ADGB: variants seen among roughly 807,000 people sequenced by gnomAD.
The protein encoded by ADGB is calpain-7-like protein.
ADGB carries 172 observed loss-of-function variants against 210.5 expected under a neutral mutation model. That is an observed-to-expected ratio of 0.82 (90% CI 0.72 to 0.93). The LOEUF (loss-of-function observed/expected upper bound fraction) is 0.93. ADGB is among the 40% of genes least tolerant of loss of function. The pLI is 0.00. For synonymous variants in ADGB, 658 were observed against 662.7 expected, an observed-to-expected ratio of 0.99 and a Z score of 0.11; for missense variants, 2,025 against 1,964.8, an observed-to-expected ratio of 1.03 and a Z score of -0.58.
chr6:146,762,122 T>G (rs1777500943), intron 27 of ADGB, among the ~76,000 whole-genome samples: 1 of 150,066 alleles, frequency 6.7e-6, no homozygotes, highest in African/African-American at 2.5e-5. Flanking sequence ...TCAAATAAGG[T>G]CACATTCTAA....
chr6:146,602,023 T>G (rs1344585157), intron 1 of ADGB, among the ~76,000 whole-genome samples: 1 of 152,250 alleles, frequency 6.6e-6, no homozygotes, highest in Non-Finnish European at 1.5e-5. Context: ...ATGTTCATAT[T>G]CATAAGTAAA....
chr6:146,599,121 G>T lies in ADGB; in HGVS notation c.74+7G>T. On this transcript the variant is annotated splice_region_variant and intron_variant, in intron 1 of 35. Transcript: ENST00000397944. The stretch of plus-strand genomic sequence containing the variant: ...GATCGGATAAATCGAAAGAGTAAGG[G>T]ACCTCTGCCTGTCCGTCCCTCCCCT... 4 of 1,551,098 alleles carry T rather than the reference G, an allele frequency of 2.6e-6. No individual in the cohort carries two copies. The highest frequency in any genetic ancestry group is 3.5e-6 in the Non-Finnish European group (4 of 1,146,414).
chr6:146,644,701 CT>C (rs1219016028), intron 2 of ADGB, 71 bp from the exon 3 acceptor site: 14 of 978,478 alleles, frequency 1.4e-5, no homozygotes, highest in Non-Finnish European at 2.0e-5. Flanking sequence ...GCACTTATTT[CT>C]TTTTTATTAA....
chr6:146,815,290 G>A lies in ADGB; in HGVS notation c.*73G>A. The A allele has an allele frequency of 8.5e-7, 1 of 1,183,290 alleles. No homozygotes were observed. The highest frequency in any genetic ancestry group is 1.1e-6 in the Non-Finnish European group (1 of 892,480). 73.3% of individuals were successfully genotyped at this position (1,183,290 alleles called of 1,614,324 possible). A position where few individuals can be genotyped will look rare whatever the true frequency, so the allele number is the denominator to read the frequency against. ...TTGTAATGATCTTTAACTGCCTGCT[G>A]TTAAGATATTAGGCCAAATGAAAAT... On this transcript the variant is annotated 3_prime_UTR_variant, in exon 36 of 36. Transcript: ENST00000397944.
chr6:146,808,219 C>T (rs1165986825), intron 35 of ADGB, among the ~76,000 whole-genome samples: 2 of 152,152 alleles, frequency 1.3e-5, no homozygotes, highest in East Asian at 1.9e-4. Flanking sequence ...AGGCTGGTCG[C>T]GAACTCCTAA....
intron 7 of ADGB, 126 bp downstream of exon 7, chr6:146,667,028 C>A (rs116097505): frequency 1.1e-4 from 70 of 616,970 alleles, no homozygotes; most frequent in African/African-American, 1.0e-3. Context: ...GGGAAAATAT[C>A]GTTTTGTAGT....
In ADGB at chr6:146,644,819, T is replaced by G; in HGVS notation, c.284T>G (p.Leu95Trp). ...GGAAAGATTGAGTTACCACCATCCT[T>G]GAAAATTTATTCCTGGAAACGTCCA... ...PEGKIELPPS[L>W]KIYSWKRPQD... The change falls in exon 3 of 36, where the codon TTG (leucine) becomes TGG (tryptophan). Residue 95 changes from leucine to tryptophan, a missense_variant. Transcript: ENST00000397944. 2.7e-6 allele frequency: 4 copies of G among 1,492,582 alleles called. No homozygotes were observed. The highest frequency in any genetic ancestry group is 3.6e-6 in the Non-Finnish European group (4 of 1,120,836). 92.5% of individuals were successfully genotyped at this position (1,492,582 alleles called of 1,614,324 possible).
chr6:146,756,407 G>A (rs1777406837), intron 27 of ADGB, among the ~76,000 whole-genome samples: 1 of 152,092 alleles, frequency 6.6e-6, no homozygotes. Context: ...TTTCCAGGGA[G>A]ACAAGGAGTA....
At chr6:146,637,596 G>T (rs1436636250) in intron 2 of ADGB, among the ~76,000 whole-genome samples, 1 of 151,956 alleles carries the variant, frequency 6.6e-6, no homozygotes, top group Non-Finnish European at 1.5e-5. Flanking sequence ...ATAGCATTCT[G>T]TATAAAGTAA....
intron 1 of ADGB, among the ~76,000 whole-genome samples, chr6:146,622,009 A>G (rs1216638476): frequency 6.6e-6 from 1 of 152,176 alleles, no homozygotes; most frequent in Admixed American, 6.5e-5. Context: ...CACCAGCACT[A>G]TATGAAAGTT....
chr6:146,807,984 A>G (rs1478595814), intron 35 of ADGB: 1 of 144,248 alleles, frequency 6.9e-6, no homozygotes, highest in Non-Finnish European at 1.5e-5. Flanking sequence ...ACTAATAACT[A>G]TGCTTCAGTT....
intron 27 of ADGB, among the ~76,000 whole-genome samples, chr6:146,760,534 T>G (rs1444339161): frequency 6.6e-6 from 1 of 151,888 alleles, no homozygotes; most frequent in Non-Finnish European, 1.5e-5. Flanking sequence ...TTATTGGAGT[T>G]TTTTGATATG....
chr6:146,733,336 G>A, intron 21 of ADGB, 81 bp downstream of exon 21: 1 of 1,319,700 alleles, frequency 7.6e-7, no homozygotes, highest in South Asian at 1.7e-5. Flanking sequence ...TGTTTGTGGA[G>A]TAAGTGGAAT....
intron 23 of ADGB, among the ~76,000 whole-genome samples, chr6:146,739,165 C>T (rs1477286056): frequency 4.6e-5 from 7 of 152,228 alleles, no homozygotes; most frequent in Admixed American, 3.9e-4. Context: ...GGTCCTGTTA[C>T]AGTCAATTCC....
At position 146,749,528 on chromosome 6, in the gene ADGB, A is replaced by T. The variant is rs972345442; in HGVS notation, c.3366-3002A>T. 5.9e-5 allele frequency among the ~76,000 whole-genome samples: 9 copies of T among 152,278 alleles called. No homozygotes were observed. The South Asian group carries it at 1.0e-3, about 18-fold the overall frequency. On this transcript the variant is annotated intron_variant, in intron 26 of 35. Transcript: ENST00000397944. ...AGGAGGAGGAAATCAGGGTCCAGTC[A>T]ACACTGTCAAGTTCTCCTGAGAGGT... is the stretch of plus-strand genomic sequence containing the variant.
At position 146,782,291 on chromosome 6, in the gene ADGB, C is replaced by G; in HGVS notation, c.4035+99C>G. The stretch of plus-strand genomic sequence containing the variant: ...TCTGAGGACAAAACCGTGAAACATT[C>G]TTTCTCCCTGATTCCAGAAACCATC... On this transcript the variant is annotated intron_variant, in intron 30 of 35. Coordinates refer to ENST00000397944, the MANE Select transcript of ADGB (RefSeq NM_024694.4). 7.8e-6 allele frequency: 9 copies of G among 1,156,800 alleles called. No individual in the cohort carries two copies. The South Asian group carries it at 1.0e-4, about 13-fold the overall frequency. 71.7% of individuals were successfully genotyped at this position (1,156,800 alleles called of 1,614,324 possible).
At chr6:146,656,034 C>CA (rs34817618) in intron 4 of ADGB, among the ~76,000 whole-genome samples, 27,159 of 150,964 alleles carry the variant, frequency 0.18, 2,981 homozygotes, top group Middle Eastern at 0.34. Flanking sequence ...CTAGTCCTCA[C>CA]AAAAAAAAAT....
At chr6:146,718,309 T>G (rs1413438362) in intron 16 of ADGB, among the ~76,000 whole-genome samples, 2 of 136,252 alleles carry the variant, frequency 1.5e-5, no homozygotes, top group East Asian at 4.6e-4. Flanking sequence ...ATTGCGCCAC[T>G]GCACTCCAGC....
intron 10 of ADGB, among the ~76,000 whole-genome samples, chr6:146,687,104 G>A (rs1384769028): frequency 6.6e-6 from 1 of 152,016 alleles, no homozygotes; most frequent in Non-Finnish European, 1.5e-5. Context: ...AGAGGATTAT[G>A]TGCCATCCTG....
Sources: gnomAD v4.1 joint callset for allele counts (sites outside exome capture counted in the v4.1 genomes callset) on GRCh38, gnomAD v4.1.1 for gene constraint, MANE v1.5 for transcripts, NCBI Gene and HGNC (gene_info 2026-07-23, HGNC 2026-07-21) for gene names.